Variants in GUCA1C observed in about 807,000 individuals in gnomAD.
The protein encoded by GUCA1C is guanylate cyclase activator 1C, also known as guanylyl cyclase-activating protein 3.
Under a neutral mutation model 16.2 loss-of-function variants are expected in GUCA1C, and 15 were observed. That is an observed-to-expected ratio of 0.93 (90% CI 0.62 to 1.43). The LOEUF is 1.43. Among genes scored for constraint, GUCA1C ranks in the 40% most tolerant of loss-of-function variants. The probability of loss-of-function intolerance (pLI) is 0.00; values close to 1 mark genes in which losing one functional copy is unlikely to be tolerated. For synonymous variants in GUCA1C, 78 were observed against 85.4 expected, an observed-to-expected ratio of 0.91 and a Z score of 0.48; for missense variants, 275 against 244.8, an observed-to-expected ratio of 1.12 and a Z score of -0.82.
chr3:108,948,342 G>C (rs904577491), intron 1 of GUCA1C, among the ~76,000 whole-genome samples: 1 of 152,154 alleles, frequency 6.6e-6, no homozygotes, highest in African/African-American at 2.4e-5. Context: ...ACCATGTAAA[G>C]ACGTGCTTCA....
intron 1 of GUCA1C, among the ~76,000 whole-genome samples, chr3:108,932,998 C>T (rs1265434019): frequency 6.6e-6 from 1 of 150,648 alleles, no homozygotes; most frequent in Admixed American, 6.6e-5. Flanking sequence ...CATTTGCTTG[C>T]ATTTCTGGAA....
At chr3:108,941,634 A>G (rs1269901757) in intron 1 of GUCA1C, among the ~76,000 whole-genome samples, 5 of 152,274 alleles carry the variant, frequency 3.3e-5, no homozygotes, top group Admixed American at 2.6e-4. Context: ...TTCTTAGAGG[A>G]GTTTTGGCCT....
At chr3:108,913,486 A>G (rs1012013901) in intron 3 of GUCA1C, among the ~76,000 whole-genome samples, 1 of 152,058 alleles carries the variant, frequency 6.6e-6, no homozygotes, top group African/African-American at 2.4e-5. Flanking sequence ...ATCCTTTTGT[A>G]CTTCTGCAAA....
At chr3:108,921,357 A>G (rs62266531) in intron 1 of GUCA1C, among the ~76,000 whole-genome samples, 54,852 of 151,952 alleles carry the variant, frequency 0.36, 10,298 homozygotes, top group African/African-American at 0.44. Context: ...CCTGCAGGAC[A>G]TTTTGGTTGC....
chr3:108,913,030 T>C (rs1212811412), intron 3 of GUCA1C, among the ~76,000 whole-genome samples: 1 of 152,166 alleles, frequency 6.6e-6, no homozygotes, highest in South Asian at 2.1e-4. Context: ...ATTTCACAAC[T>C]GTTGTGTATT....
chr3:108,936,402 TTTCTAA>T (rs757143864), intron 1 of GUCA1C, among the ~76,000 whole-genome samples: 7 of 152,356 alleles, frequency 4.6e-5, no homozygotes, highest in Non-Finnish European at 7.3e-5. Context: ...CAATGCATTA[TTTCTAA>T]TTCTAACAGC....
chr3:108,945,093 G>GGTGCATTCCCAGAACAGCAA (rs1359317233), intron 1 of GUCA1C, among the ~76,000 whole-genome samples: 1 of 152,206 alleles, frequency 6.6e-6, no homozygotes, highest in East Asian at 1.9e-4. Context: ...CCAGAGTGCA[G>GGTGCATTCCCAGAACAGCAA]GTGCATTCCC....
At chr3:108,913,098 T>C (rs1946472688) in intron 3 of GUCA1C, among the ~76,000 whole-genome samples, 1 of 152,114 alleles carries the variant, frequency 6.6e-6, no homozygotes, top group Non-Finnish European at 1.5e-5. Flanking sequence ...AACAATCAAA[T>C]TGGGATTTTC....
chr3:108,912,122 A>AATAATAATAAGAATAATAATAATAATC, intron 3 of GUCA1C, among the ~76,000 whole-genome samples: 1 of 147,720 alleles, frequency 6.8e-6, no homozygotes, highest in East Asian at 2.0e-4. Flanking sequence ...TAATAATAAT[A>AATAATAATAAGAATAATAATAATAATC]ATCACCCTTT....
chr3:108,950,343 G>A (rs1946885354), intron 1 of GUCA1C, among the ~76,000 whole-genome samples: 1 of 152,158 alleles, frequency 6.6e-6, no homozygotes, highest in Non-Finnish European at 1.5e-5. Flanking sequence ...TGTGAATAGT[G>A]CTGCAATAAA....
chr3:108,942,315 A>T (rs1309737236), intron 1 of GUCA1C, among the ~76,000 whole-genome samples: 1 of 152,166 alleles, frequency 6.6e-6, no homozygotes, highest in Non-Finnish European at 1.5e-5. Flanking sequence ...CAAATGCCTC[A>T]ACTTCTCCAG....
chr3:108,940,148 A>C (rs1283583066), intron 1 of GUCA1C, among the ~76,000 whole-genome samples: 1 of 152,232 alleles, frequency 6.6e-6, no homozygotes, highest in Non-Finnish European at 1.5e-5. Context: ...TATCACAACA[A>C]ATGCTTCCTG....
At position 108,914,393 on chromosome 3, in the gene GUCA1C, A is replaced by G. The variant is rs532422820; in HGVS notation, c.442+1734T>C. Among the ~76,000 whole-genome samples the G allele has an allele frequency of 1.8e-4, 27 of 152,298 alleles. 1 individual carries two copies. In the East Asian group the frequency reaches 3.3e-3, roughly 19 times the overall value. ...AAACAAAAAGTCCTGAATCATATTC[A>G]TGTTTTCTCGAATACACTATCTGTG... On this transcript the variant is annotated intron_variant, in intron 3 of 3. Transcript: ENST00000261047.
At chr3:108,920,727 G>GT in intron 1 of GUCA1C, 142 bp from the exon 2 acceptor site, 1 of 556,072 alleles carries the variant, frequency 1.8e-6, no homozygotes, top group Non-Finnish European at 3.1e-6. Context: ...TTTCCCTAGT[G>GT]TTTCATTTAA....
chr3:108,918,190 C>T (rs1168508187), intron 2 of GUCA1C, among the ~76,000 whole-genome samples: 1 of 152,220 alleles, frequency 6.6e-6, no homozygotes, highest in Non-Finnish European at 1.5e-5. Context: ...GCCCTACGCC[C>T]TCTCTACTCT....
intron 1 of GUCA1C, among the ~76,000 whole-genome samples, chr3:108,935,373 A>T (rs961641697): frequency 3.9e-5 from 6 of 152,084 alleles, no homozygotes; most frequent in Non-Finnish European, 2.9e-5. Flanking sequence ...AATAAAAAAT[A>T]TAAGCACATT....
rs535877908 is a variant in GUCA1C, at chr3:108,920,514, T to A, written c.276A>T (p.Lys92Asn). 4 of 1,593,310 alleles carry A rather than the reference T, an allele frequency of 2.5e-6. No individual in the cohort carries two copies. The South Asian group carries it at 4.4e-5, about 18-fold the overall frequency. Reference protein sequence around the residue: ...NLIMQEKMEQKLKWYFKLYDA... With the variant: ...NLIMQEKMEQNLKWYFKLYDA... ...CATACAGCTTAAAATACCATTTTAA[T>A]TTTTGCTCCATTTTTTCTTGCATGA... Residue 92 changes from lysine (K) to asparagine (N), a missense_variant, in exon 2 of 4, where the codon AAA becomes AAT. Transcript: ENST00000261047.
chr3:108,925,105 A>ATTT (rs35186519), intron 1 of GUCA1C, among the ~76,000 whole-genome samples: 13 of 147,888 alleles, frequency 8.8e-5, no homozygotes, highest in African/African-American at 1.7e-4. Flanking sequence ...TACCTTTTGT[A>ATTT]TTTTTTTTTT....
intron 1 of GUCA1C, among the ~76,000 whole-genome samples, chr3:108,934,439 C>T (rs146790637): frequency 2.3e-3 from 347 of 152,256 alleles, no homozygotes; most frequent in Non-Finnish European, 3.5e-3. Flanking sequence ...AGTTCAGCCA[C>T]TACAGAAAGC....
Sources: allele counts gnomAD v4.1 joint callset (sites outside exome capture counted in the v4.1 genomes callset), GRCh38; gene constraint gnomAD v4.1.1; transcripts MANE v1.5; gene names NCBI Gene and HGNC (gene_info 2026-07-23, HGNC 2026-07-21).